SMC6: variants seen among roughly 807,000 people sequenced by gnomAD.
SMC6 encodes structural maintenance of chromosomes 6.
In SMC6, 79 loss-of-function variants were observed where a neutral mutation model predicts 142.2. The ratio of observed to expected loss-of-function variants is 0.56; its 90% CI spans 0.46 to 0.67. SMC6 has a LOEUF of 0.67. Among genes scored for constraint, SMC6 ranks in the 30% least tolerant of loss-of-function variants. The pLI is 0.00. For synonymous variants in SMC6, 411 were observed against 412.4 expected, an observed-to-expected ratio of 1.00 and a Z score of 0.04; for missense variants, 1,072 against 1,284.0, an observed-to-expected ratio of 0.83 and a Z score of 2.52.
At chr2:17,726,532 C>A in intron 7 of SMC6, 63 bp from the exon 8 acceptor site, 1 of 1,357,624 alleles carries the variant, frequency 7.4e-7, no homozygotes, top group Non-Finnish European at 1.0e-6. Flanking sequence ...TAGGTAAAAA[C>A]TGAAACATAC....
chr2:17,746,822 TTTAA>T (rs1670768901), intron 2 of SMC6, among the ~76,000 whole-genome samples: 2 of 152,240 alleles, frequency 1.3e-5, no homozygotes, highest in South Asian at 4.1e-4. Flanking sequence ...AGGTATCTAA[TTTAA>T]TTGTTTGCTA....
At chr2:17,675,158 C>T (rs1452464104) in intron 25 of SMC6, among the ~76,000 whole-genome samples, 2 of 151,890 alleles carry the variant, frequency 1.3e-5, no homozygotes, top group Non-Finnish European at 2.9e-5. Context: ...TAAAATTATA[C>T]ATCCTTTTAA....
At chr2:17,731,995 T>C (rs946987181) in intron 5 of SMC6, 118 bp from the exon 6 acceptor site, 4 of 971,698 alleles carry the variant, frequency 4.1e-6, no homozygotes, top group Non-Finnish European at 4.5e-6. Context: ...CATTTGCAAA[T>C]TAGATTTACA....
At chr2:17,718,041 G>C (rs201008239) in intron 12 of SMC6, 36 bp downstream of exon 12, 1 of 1,575,074 alleles carries the variant, frequency 6.3e-7, no homozygotes, top group Non-Finnish European at 8.6e-7. Flanking sequence ...TTTGCTGTGT[G>C]GCTTTTAAAA....
intron 23 of SMC6, 65 bp from the exon 24 acceptor site, chr2:17,683,828 TCAAAC>T: frequency 6.9e-7 from 1 of 1,450,000 alleles, no homozygotes; most frequent in Non-Finnish European, 9.6e-7. Flanking sequence ...CAGTAGAATC[TCAAAC>T]AGATTTAACT....
rs138280169 is a variant in SMC6 at position 17,684,395 on chromosome 2, C to T, written c.2679-632G>A. Among the ~76,000 whole-genome samples the T allele has an allele frequency of 5.3e-5, 8 of 152,240 alleles. No homozygotes were observed. The East Asian group carries it at 7.7e-4, about 15-fold the overall frequency. On this transcript the variant is annotated intron_variant, in intron 23 of 27. Transcript: ENST00000448223. ...TTAAAAAAATAAGTAACAAAAAACG[C>T]GCTGGCACAGCATCCAGATATTTAT...
chr2:17,718,289 A>G (rs1669202903), intron 11 of SMC6, 66 bp from the exon 12 acceptor site: 2 of 1,171,290 alleles, frequency 1.7e-6, no homozygotes, highest in South Asian at 3.6e-5. Flanking sequence ...AAAAATAATT[A>G]TCTATAGTTC....
intron 21 of SMC6, among the ~76,000 whole-genome samples, chr2:17,699,876 G>C (rs1443895509): frequency 1.3e-5 from 2 of 151,934 alleles, no homozygotes; most frequent in Non-Finnish European, 2.9e-5. Context: ...AGCAAAGCTG[G>C]GACAACAAGC....
chr2:17,703,226 G>C lies in SMC6; in HGVS notation c.2073C>G (p.Ala691=). The change falls in exon 19 of 28, where the codon GCC becomes GCG. Residue 691 remains alanine, a synonymous_variant. Coordinates refer to ENST00000448223, the MANE Select transcript of SMC6 (RefSeq NM_001142286.2). The part of the protein sequence containing the change: ...QILNLQQHLS[A]LEKDIKHNEE... ...CATTGTGTTTAATATCTTTTTCAAGGGCAGATAAATGTTGCTGAAGATTTA... is the reference window on the plus strand; with the variant it reads ...CATTGTGTTTAATATCTTTTTCAAGCGCAGATAAATGTTGCTGAAGATTTA... The C allele has an allele frequency of 6.3e-7, 1 of 1,599,754 alleles. No homozygotes were observed. The highest frequency in any genetic ancestry group is 8.5e-7 in the Non-Finnish European group (1 of 1,169,968).
chr2:17,731,907 T>A (rs768805570), intron 5 of SMC6, 30 bp from the exon 6 acceptor site: 1 of 1,605,378 alleles, frequency 6.2e-7, no homozygotes, highest in Admixed American at 1.7e-5. Context: ...CTAAGTTACA[T>A]GAAGATACAG....
chr2:17,669,537 G>A (rs770633824), intron 26 of SMC6, among the ~76,000 whole-genome samples: 2 of 152,182 alleles, frequency 1.3e-5, no homozygotes, highest in Non-Finnish European at 2.9e-5. Flanking sequence ...CAGCTTGGCA[G>A]ATTAAGAACA....
chr2:17,685,009 C>T (rs1162683812), intron 23 of SMC6, among the ~76,000 whole-genome samples: 1 of 151,578 alleles, frequency 6.6e-6, no homozygotes, highest in Admixed American at 6.6e-5. Context: ...CTAGAACCTC[C>T]TCCTAAAAAG....
At chr2:17,718,878 G>A (rs151072091) in intron 11 of SMC6, among the ~76,000 whole-genome samples, 1 of 152,168 alleles carries the variant, frequency 6.6e-6, no homozygotes, top group Admixed American at 6.5e-5. Flanking sequence ...ACCTAAGTCT[G>A]TCTCTTATCT....
chr2:17,752,889 G>T, intron 2 of SMC6, 89 bp downstream of exon 2: 1 of 282,778 alleles, frequency 3.5e-6, no homozygotes. Context: ...TACTACTCGT[G>T]ACATATGCAG....
chr2:17,739,806 G>C (rs1457263630), intron 4 of SMC6, among the ~76,000 whole-genome samples: 8 of 147,176 alleles, frequency 5.4e-5, no homozygotes, highest in African/African-American at 2.0e-4. Context: ...CGGAGAGAGA[G>C]ATCCTTTCTC....
At chr2:17,744,578 CTTGAT>C (rs1022755698) in intron 3 of SMC6, among the ~76,000 whole-genome samples, 3 of 151,942 alleles carry the variant, frequency 2.0e-5, no homozygotes, top group Non-Finnish European at 4.4e-5. Context: ...CTTCTGTTTC[CTTGAT>C]TTATTTGCAA....
chr2:17,743,419 T>G (rs1670573422), intron 3 of SMC6, among the ~76,000 whole-genome samples: 1 of 152,178 alleles, frequency 6.6e-6, no homozygotes, highest in African/African-American at 2.4e-5. Context: ...ACTATTTCAT[T>G]TTTTAATACT....
intron 6 of SMC6, 114 bp from the exon 7 acceptor site, chr2:17,731,253 A>G: frequency 1.4e-6 from 1 of 701,456 alleles, no homozygotes; most frequent in Admixed American, 2.7e-5. Flanking sequence ...CATCATCAAG[A>G]AAGGTACCAT....
intron 21 of SMC6, among the ~76,000 whole-genome samples, chr2:17,697,311 G>A (rs1010320472): frequency 2.0e-5 from 3 of 151,698 alleles, no homozygotes; most frequent in African/African-American, 7.3e-5. Flanking sequence ...AACAGATGAT[G>A]GCACATAAAT....
Sources: allele counts gnomAD v4.1 joint callset (sites outside exome capture counted in the v4.1 genomes callset), GRCh38; gene constraint gnomAD v4.1.1; transcripts MANE v1.5; gene names NCBI Gene and HGNC (gene_info 2026-07-23, HGNC 2026-07-21).